Variants in FSTL5 observed in about 807,000 individuals in gnomAD.
The protein encoded by FSTL5 is follistatin-related protein 5.
Under a neutral mutation model 89.1 loss-of-function variants are expected in FSTL5, and 62 were observed. The observed-to-expected ratio is 0.70, with a 90% CI of 0.57 to 0.86. FSTL5 has a LOEUF of 0.86. FSTL5 is among the 40% of genes least tolerant of loss of function. The probability of loss-of-function intolerance (pLI) is 0.00; values close to 1 mark genes in which losing one functional copy is unlikely to be tolerated. For missense variants in FSTL5, 1,057 were observed against 1,001.6 expected (o/e 1.06, Z -0.75); for synonymous variants, 383 against 346.2 (o/e 1.11, Z -1.18).
At chr4:162,112,494 C>G (rs886997801) in intron 1 of FSTL5, among the ~76,000 whole-genome samples, 1 of 152,138 alleles carries the variant, frequency 6.6e-6, no homozygotes, top group African/African-American at 2.4e-5. Flanking sequence ...GCTTCTCCTG[C>G]CGTGGCCTCC....
chr4:162,043,514 T>C (rs1341948293), intron 2 of FSTL5, among the ~76,000 whole-genome samples: 2 of 152,178 alleles, frequency 1.3e-5, no homozygotes, highest in Non-Finnish European at 2.9e-5. Flanking sequence ...GCTTCAGTGT[T>C]GATAGCTGTC....
In FSTL5 at chr4:161,795,742, C is replaced by T. The variant is rs992472025; in HGVS notation, c.410-19668G>A. 3.9e-5 allele frequency among the ~76,000 whole-genome samples: 6 copies of T among 151,970 alleles called. No homozygotes were observed. The East Asian group carries it at 9.6e-4, about 24-fold the overall frequency. ...CTTTCTCCATTGTGTTGTGTTGGTA[C>T]TCTTTCCAAAAATTATTTGAATTTA... On this transcript the variant is annotated intron_variant, in intron 4 of 15. Coordinates refer to ENST00000306100, the MANE Select transcript of FSTL5 (RefSeq NM_020116.5).
intron 3 of FSTL5, among the ~76,000 whole-genome samples, chr4:161,954,074 C>G (rs543367117): frequency 5.9e-5 from 9 of 151,376 alleles, no homozygotes; most frequent in African/African-American, 1.7e-4. Flanking sequence ...CCAAATATTG[C>G]AATATACTAC....
rs140060194 is a variant in FSTL5 at position 161,403,303 on chromosome 4, T to G, written c.1842-16854A>C. Among the ~76,000 whole-genome samples, 30 of 152,002 alleles carry G rather than the reference T, an allele frequency of 2.0e-4. No homozygotes were observed. The East Asian group carries it at 3.9e-3, about 20-fold the overall frequency. On this transcript the variant is annotated intron_variant, in intron 15 of 15. Transcript: ENST00000306100. ...TGCCTTCACAAGACTAACACCATTT[T>G]TGTGTGTGTGTGTGTTTGTTTGTTT...
intron 15 of FSTL5, among the ~76,000 whole-genome samples, chr4:161,437,572 A>C (rs866353650): frequency 2.2e-5 from 3 of 134,782 alleles, no homozygotes; most frequent in Non-Finnish European, 5.0e-5. Flanking sequence ...TCTCAAAAAA[A>C]AAAAAAAAAA....
chr4:161,782,521 C>T (rs919893015), intron 4 of FSTL5, among the ~76,000 whole-genome samples: 2 of 151,994 alleles, frequency 1.3e-5, no homozygotes, highest in African/African-American at 4.8e-5. Context: ...ACCTTAGTTC[C>T]TTTATCCTAC....
At chr4:161,973,431 G>C (rs556158342) in intron 3 of FSTL5, among the ~76,000 whole-genome samples, 1 of 152,110 alleles carries the variant, frequency 6.6e-6, no homozygotes, top group Non-Finnish European at 1.5e-5. Context: ...GAATACTTAA[G>C]TATTTCAAAT....
At position 162,029,166 on chromosome 4, in the gene FSTL5, A is replaced by T. The variant is rs2872684; in HGVS notation, c.160+4459T>A. 3.1e-3 allele frequency among the ~76,000 whole-genome samples: 379 copies of T among 120,666 alleles called. 3 individuals carry two copies. Among genetic ancestry groups the T allele is most frequent in the South Asian group, 0.014 (55 of 4,008 alleles). 79.2% of individuals were successfully genotyped at this position (120,666 alleles called of 152,430 possible). A position where few individuals can be genotyped will look rare whatever the true frequency, so the allele number is the denominator to read the frequency against. On this transcript the variant is annotated intron_variant, in intron 3 of 15. Coordinates refer to ENST00000306100, the MANE Select transcript of FSTL5 (RefSeq NM_020116.5). ...ATGAGGGAGAGAGAGAGAGAGAGAGAGTGTGTGTGTGTGTGTGTGTGCGTG... is the reference window on the plus strand; with the variant it reads ...ATGAGGGAGAGAGAGAGAGAGAGAGTGTGTGTGTGTGTGTGTGTGTGCGTG...
chr4:162,141,590 G>A (rs78054532), intron 1 of FSTL5, among the ~76,000 whole-genome samples: 14,396 of 152,060 alleles, frequency 0.095, 862 homozygotes, highest in African/African-American at 0.16. Flanking sequence ...TATTATCCAG[G>A]CTTGGGTATT....
chr4:161,556,802 A>G lies in FSTL5; in HGVS notation c.1016-14109T>C, dbSNP rs927027503. Among the ~76,000 whole-genome samples the G allele has an allele frequency of 3.3e-5, 5 of 149,912 alleles. No individual in the cohort carries two copies. In the East Asian group the frequency reaches 9.8e-4, roughly 29 times the overall value. On this transcript the variant is annotated intron_variant, in intron 8 of 15. Coordinates refer to ENST00000306100, the MANE Select transcript of FSTL5 (RefSeq NM_020116.5). ...CCATATTTATACAAACTTAGTTCGT[A>G]TTTCTCGGTAAAAGATTATATATAT...
intron 4 of FSTL5, among the ~76,000 whole-genome samples, chr4:161,811,213 A>C (rs2126839324): frequency 6.6e-6 from 1 of 152,290 alleles, no homozygotes; most frequent in South Asian, 2.1e-4. Context: ...AAACAAAACG[A>C]AAAAATCAAG....
intron 4 of FSTL5, among the ~76,000 whole-genome samples, chr4:161,828,063 C>T (rs576887664): frequency 1.5e-4 from 23 of 152,158 alleles, no homozygotes; most frequent in Non-Finnish European, 2.5e-4. Flanking sequence ...GGTAGCCCTC[C>T]CCAAGGACCT....
chr4:161,945,660 G>A (rs889166802), intron 3 of FSTL5, among the ~76,000 whole-genome samples: 4 of 152,202 alleles, frequency 2.6e-5, no homozygotes, highest in African/African-American at 9.6e-5. Context: ...GTTGAGACAG[G>A]AGAATTGCTT....
At chr4:161,775,597 C>G (rs7667455) in intron 5 of FSTL5, among the ~76,000 whole-genome samples, 1 of 151,794 alleles carries the variant, frequency 6.6e-6, no homozygotes, top group Non-Finnish European at 1.5e-5. Flanking sequence ...ATTATAAATT[C>G]TACAAGATAA....
intron 4 of FSTL5, among the ~76,000 whole-genome samples, chr4:161,864,715 C>T (rs1352448441): frequency 2.0e-5 from 3 of 151,410 alleles, no homozygotes; most frequent in Non-Finnish European, 4.4e-5. Flanking sequence ...AGTAAAAAGA[C>T]AAAAAAATTA....
intron 2 of FSTL5, among the ~76,000 whole-genome samples, chr4:162,065,242 G>A (rs1738855586): frequency 6.6e-6 from 1 of 151,822 alleles, no homozygotes; most frequent in African/African-American, 2.4e-5. Flanking sequence ...CACAGCAAAG[G>A]AAACAACGAC....
intron 3 of FSTL5, among the ~76,000 whole-genome samples, chr4:162,011,474 G>A (rs1030456421): frequency 1.3e-5 from 2 of 151,842 alleles, no homozygotes; most frequent in African/African-American, 4.8e-5. Context: ...GCCCTCTCAA[G>A]GAACCTGTGC....
chr4:161,666,244 A>G (rs1261936622), intron 6 of FSTL5, among the ~76,000 whole-genome samples: 3 of 152,176 alleles, frequency 2.0e-5, no homozygotes, highest in Non-Finnish European at 4.4e-5. Context: ...AGAAATCAAT[A>G]AAAGACTTGA....
At chr4:161,648,928 A>T (rs1324394280) in intron 7 of FSTL5, among the ~76,000 whole-genome samples, 1 of 152,210 alleles carries the variant, frequency 6.6e-6, no homozygotes, top group African/African-American at 2.4e-5. Flanking sequence ...AACTAAGAAG[A>T]ACATGTTCTT....
Sources: gnomAD v4.1 joint callset for allele counts (sites outside exome capture counted in the v4.1 genomes callset) on GRCh38, gnomAD v4.1.1 for gene constraint, MANE v1.5 for transcripts, NCBI Gene and HGNC (gene_info 2026-07-23, HGNC 2026-07-21) for gene names.